The following PCDHA7 variants were observed in gnomAD, a reference collection of about 807,000 sequenced individuals.
PCDHA7 encodes protocadherin alpha-7.
A neutral mutation model predicts 57.2 loss-of-function variants in PCDHA7; 37 were observed. The ratio of observed to expected loss-of-function variants is 0.65; its 90% CI spans 0.50 to 0.85. The LOEUF (loss-of-function observed/expected upper bound fraction) is 0.85, where lower values mean the gene tolerates loss of function less well. PCDHA7 is among the 40% of genes least tolerant of loss of function. The pLI is 0.00. For missense variants in PCDHA7, 1,188 were observed against 1,241.8 expected, an observed-to-expected ratio of 0.96 and a Z score of 0.65; for synonymous variants, 553 against 558.8, an observed-to-expected ratio of 0.99 and a Z score of 0.15.
chr5:140,988,423 T>G (rs2097297373), intron 3 of PCDHA7, among the ~76,000 whole-genome samples: 2 of 152,176 alleles, frequency 1.3e-5, no homozygotes. Context: ...GTAAAGAATT[T>G]GTTTGTTTTG....
At chr5:140,916,628 C>T (rs1311862991) in intron 1 of PCDHA7, among the ~76,000 whole-genome samples, 1 of 152,188 alleles carries the variant, frequency 6.6e-6, no homozygotes, top group Non-Finnish European at 1.5e-5. Context: ...ACTCAATGCC[C>T]TATCCTACTG....
intron 1 of PCDHA7, chr5:140,868,387 A>G: frequency 1.3e-5 from 2 of 152,312 alleles, no homozygotes; most frequent in South Asian, 4.1e-4. Context: ...AATGAGAACT[A>G]TAGAAAATAG....
At position 140,941,206 on chromosome 5, in the gene PCDHA7, TCTTTCTTC is replaced by T. The variant is rs1268159199; in HGVS notation, c.2356-37735_2356-37728del. Among the ~76,000 whole-genome samples the T allele has an allele frequency of 1.2e-3, 117 of 95,670 alleles. 1 individual carries two copies. The highest frequency in any genetic ancestry group is 8.3e-3 in the South Asian group (27 of 3,240). The allele number at this position is 95,670 out of a possible 152,430, so 62.8% of individuals were successfully genotyped here. A position where few individuals can be genotyped will look rare whatever the true frequency, so the allele number is the denominator to read the frequency against. On this transcript the variant is annotated intron_variant, in intron 1 of 3. Coordinates refer to ENST00000525929, the MANE Select transcript of PCDHA7 (RefSeq NM_018910.3). ...GCTTCTTTTTTTTTCTTTCTTCCTTTCTTTCTTCCTTTCTTTCTTTCTTTCTTTCTTTC... is the reference window on the plus strand; with the variant it reads ...GCTTCTTTTTTTTTCTTTCTTCCTTTCTTTCTTTCTTTCTTTCTTTCTTTC...
In PCDHA7 at chr5:140,853,250, T is replaced by C. The variant is rs187095987; in HGVS notation, c.2355+16512T>C. 492 of 976,066 alleles carry C rather than the reference T, an allele frequency of 5.0e-4. 28 individuals carry two copies. The African/African-American group carries it at 6.8e-3, about 14-fold the overall frequency. The allele number at this position is 976,066 out of a possible 1,614,324, so 60.5% of individuals were successfully genotyped here. On this transcript the variant is annotated intron_variant, in intron 1 of 3. Transcript: ENST00000525929. ...ATTTAGTCCTTCATATTAATCTCTA[T>C]TCTCTCTCAGAGTACAAGCTCTCAT... is the stretch of plus-strand genomic sequence containing the variant.
intron 1 of PCDHA7, among the ~76,000 whole-genome samples, chr5:140,897,318 A>T (rs1420123207): frequency 1.4e-5 from 2 of 145,668 alleles, no homozygotes; most frequent in African/African-American, 2.5e-5. Flanking sequence ...TATCTCCTAA[A>T]GCTATCCCTC....
intron 1 of PCDHA7, among the ~76,000 whole-genome samples, chr5:140,937,338 C>T (rs1554211545): frequency 1.3e-5 from 2 of 151,992 alleles, no homozygotes; most frequent in Non-Finnish European, 2.9e-5. Flanking sequence ...CGCCCGGCTT[C>T]TTCCATTTAT....
At chr5:140,945,488 C>T (rs1362622912) in intron 1 of PCDHA7, among the ~76,000 whole-genome samples, 1 of 151,910 alleles carries the variant, frequency 6.6e-6, no homozygotes, top group Non-Finnish European at 1.5e-5. Flanking sequence ...ACCCCAAATA[C>T]CCAAAGCAAT....
intron 1 of PCDHA7, chr5:140,927,498 G>A (rs782816586): frequency 3.1e-6 from 5 of 1,614,138 alleles, no homozygotes; most frequent in Middle Eastern, 1.6e-4. Context: ...ACCTGCTGGT[G>A]CTTACAGCTC....
At chr5:140,855,343 C>A (rs2043435489) in intron 1 of PCDHA7, among the ~76,000 whole-genome samples, 1 of 149,746 alleles carries the variant, frequency 6.7e-6, no homozygotes, top group African/African-American at 2.5e-5. Context: ...ACGATTTTCC[C>A]AAGTCATGTG....
chr5:140,966,426 C>T, intron 1 of PCDHA7: 1 of 421,820 alleles, frequency 2.4e-6, no homozygotes. Flanking sequence ...ACTTGCTGAG[C>T]CCTCCTACCG....
intron 1 of PCDHA7, chr5:140,928,628 T>G: frequency 6.2e-7 from 1 of 1,614,222 alleles, no homozygotes; most frequent in Non-Finnish European, 8.5e-7. Context: ...ACTGGACACT[T>G]GGTCACAAAA....
chr5:140,925,371 A>ATATT (rs1554202717), intron 1 of PCDHA7, among the ~76,000 whole-genome samples: 1 of 152,136 alleles, frequency 6.6e-6, no homozygotes, highest in Non-Finnish European at 1.5e-5. Context: ...CATAGTCAAT[A>ATATT]GTCAATGAGT....
At chr5:140,951,626 C>G (rs1182328214) in intron 1 of PCDHA7, among the ~76,000 whole-genome samples, 1 of 152,180 alleles carries the variant, frequency 6.6e-6, no homozygotes, top group East Asian at 1.9e-4. Context: ...AAGGGGGAAA[C>G]CTGCCCCATG....
chr5:140,927,077 G>C (rs568623488), intron 1 of PCDHA7: 29 of 1,610,728 alleles, frequency 1.8e-5, no homozygotes, highest in Non-Finnish European at 2.5e-5. Flanking sequence ...TCCAGCCACC[G>C]CGAGCTCTAC....
At chr5:141,008,347 G>A (rs551037675) in intron 3 of PCDHA7, among the ~76,000 whole-genome samples, 7 of 152,244 alleles carry the variant, frequency 4.6e-5, no homozygotes, top group South Asian at 2.1e-4. Flanking sequence ...AGCTTTTCAC[G>A]TGTCAACCAA....
intron 3 of PCDHA7, among the ~76,000 whole-genome samples, chr5:141,002,246 C>T (rs1217451636): frequency 6.6e-6 from 1 of 152,190 alleles, no homozygotes; most frequent in Non-Finnish European, 1.5e-5. Flanking sequence ...CTTTATTAAC[C>T]TCAGCACTGA....
At chr5:140,971,487 C>T (rs1285006281) in intron 1 of PCDHA7, among the ~76,000 whole-genome samples, 1 of 152,110 alleles carries the variant, frequency 6.6e-6, no homozygotes, top group African/African-American at 2.4e-5. Flanking sequence ...CACATTGTTA[C>T]AGTGTGGCAA....
intron 1 of PCDHA7, chr5:140,868,934 G>T: frequency 2.7e-6 from 3 of 1,116,548 alleles, no homozygotes; most frequent in African/African-American, 1.6e-5. Context: ...TTTAAAGGTT[G>T]GTCTGAACAG....
intron 1 of PCDHA7, among the ~76,000 whole-genome samples, chr5:140,898,157 G>A (rs1455235992): frequency 1.3e-5 from 2 of 152,162 alleles, no homozygotes; most frequent in South Asian, 4.1e-4. Context: ...CACGCTGATG[G>A]TGGTTTCTTT....
Sources: allele counts gnomAD v4.1 joint callset (sites outside exome capture counted in the v4.1 genomes callset), GRCh38; gene constraint gnomAD v4.1.1; transcripts MANE v1.5; gene names NCBI Gene and HGNC (gene_info 2026-07-23, HGNC 2026-07-21).